EPHA5: variants seen among roughly 807,000 people sequenced by gnomAD.
EPHA5 encodes EPH receptor A5, also known as ephrin type-A receptor 5.
In EPHA5, 60 loss-of-function variants were observed where a neutral mutation model predicts 105.0. The ratio of observed to expected loss-of-function variants is 0.57; its 90% CI spans 0.46 to 0.71. The LOEUF (loss-of-function observed/expected upper bound fraction) is 0.71. Among genes scored for constraint, EPHA5 ranks in the 30% least tolerant of loss-of-function variants. The pLI, the probability that EPHA5 is intolerant of heterozygous loss-of-function variation, is 0.00. For synonymous variants in EPHA5, 513 were observed against 449.1 expected, an observed-to-expected ratio of 1.14 and a Z score of -1.80; for missense variants, 1,218 against 1,274.7, an observed-to-expected ratio of 0.96 and a Z score of 0.68.
At chr4:65,619,707 T>G (rs1466536629) in intron 2 of EPHA5, among the ~76,000 whole-genome samples, 2 of 152,022 alleles carry the variant, frequency 1.3e-5, no homozygotes, top group East Asian at 3.9e-4. Flanking sequence ...TGAGTCTCAT[T>G]AATTATTATA....
intron 8 of EPHA5, among the ~76,000 whole-genome samples, chr4:65,400,100 C>T (rs1355644947): frequency 1.3e-5 from 2 of 152,024 alleles, no homozygotes; most frequent in Non-Finnish European, 2.9e-5. Context: ...CTTTCTCAAA[C>T]ATTTAACTGG....
At position 65,632,056 on chromosome 4, in the gene EPHA5, T is replaced by C. The variant is rs186584977; in HGVS notation, c.246+11307A>G. ...TGCTAAACACTGCATCACTGACTCA[T>C]TGTAATCCTTATAACAACCTTGTAC... On this transcript the variant is annotated intron_variant, in intron 2 of 16. Transcript: ENST00000613740. Among the ~76,000 whole-genome samples the C allele has an allele frequency of 2.0e-5, 3 of 152,126 alleles. No individual in the cohort carries two copies. In the East Asian group the frequency reaches 5.8e-4, roughly 29 times the overall value.
At chr4:65,473,385 G>T (rs1189198931) in intron 5 of EPHA5, among the ~76,000 whole-genome samples, 1 of 152,146 alleles carries the variant, frequency 6.6e-6, no homozygotes, top group Non-Finnish European at 1.5e-5. Flanking sequence ...CTTCTATAAA[G>T]ATACTACCCA....
intron 5 of EPHA5, among the ~76,000 whole-genome samples, chr4:65,440,571 AAAGTT>A (rs899544682): frequency 1.4e-5 from 2 of 147,614 alleles, no homozygotes; most frequent in Non-Finnish European, 3.1e-5. Flanking sequence ...GAAATAATGT[AAAGTT>A]ATTTTCGATT....
At chr4:65,384,288 A>G (rs1329720022) in intron 8 of EPHA5, among the ~76,000 whole-genome samples, 3 of 151,932 alleles carry the variant, frequency 2.0e-5, no homozygotes, top group Non-Finnish European at 4.4e-5. Flanking sequence ...GTGTTCATTT[A>G]AGCAGAGATA....
intron 3 of EPHA5, among the ~76,000 whole-genome samples, chr4:65,533,402 C>T (rs1323724997): frequency 6.6e-6 from 1 of 151,848 alleles, no homozygotes; most frequent in Non-Finnish European, 1.5e-5. Flanking sequence ...TATTTAGAAA[C>T]TCAGGATTGG....
chr4:65,625,606 C>T (rs1746066733), intron 2 of EPHA5, among the ~76,000 whole-genome samples: 1 of 152,024 alleles, frequency 6.6e-6, no homozygotes, highest in Admixed American at 6.6e-5. Context: ...ACCTACTTGA[C>T]CTAATTTGCA....
intron 11 of EPHA5, among the ~76,000 whole-genome samples, chr4:65,360,759 A>G (rs1432069704): frequency 6.6e-6 from 1 of 151,650 alleles, no homozygotes; most frequent in Non-Finnish European, 1.5e-5. Context: ...AACATAAACT[A>G]TATCATTCTA....
chr4:65,433,185 C>T (rs1182427688), intron 5 of EPHA5, among the ~76,000 whole-genome samples: 1 of 152,132 alleles, frequency 6.6e-6, no homozygotes, highest in East Asian at 1.9e-4. Flanking sequence ...TTGTTTTTGA[C>T]ATAGTTCTGT....
At chr4:65,456,477 A>G (rs1261843557) in intron 5 of EPHA5, among the ~76,000 whole-genome samples, 1 of 152,226 alleles carries the variant, frequency 6.6e-6, no homozygotes, top group Non-Finnish European at 1.5e-5. Context: ...TTTTAGAATC[A>G]TTGATGAAAT....
chr4:65,459,923 A>C (rs905931407), intron 5 of EPHA5, among the ~76,000 whole-genome samples: 4 of 151,804 alleles, frequency 2.6e-5, no homozygotes, highest in African/African-American at 9.7e-5. Flanking sequence ...ATAACTGTTT[A>C]GTACATTAAA....
chr4:65,390,035 T>C (rs953808110), intron 8 of EPHA5, among the ~76,000 whole-genome samples: 3 of 152,024 alleles, frequency 2.0e-5, no homozygotes, highest in Non-Finnish European at 4.4e-5. Context: ...AACCTATCAA[T>C]CTATCTTGGT....
Position 65,418,862 on chromosome 4 carries a change from C to CTTT in EPHA5, c.1527+1576_1527+1578dup, listed in dbSNP as rs575608289. ...AACATTCAATACACTTACCTAAACT[C>CTTT]TTTTTTTTTTTTTTTTTTTTTTTTT... On this transcript the variant is annotated intron_variant, in intron 6 of 16. Coordinates refer to ENST00000613740, the MANE Select transcript of EPHA5 (RefSeq NM_001281766.3). Among the ~76,000 whole-genome samples the CTTT allele has an allele frequency of 3.6e-3, 170 of 47,062 alleles. 22 individuals are homozygous for CTTT. Among genetic ancestry groups the CTTT allele is most frequent in the African/African-American group, 9.8e-3 (89 of 9,086 alleles). The allele number at this position is 47,062 out of a possible 152,430, so 30.9% of individuals were successfully genotyped here.
chr4:65,487,557 G>A (rs950838561), intron 5 of EPHA5, among the ~76,000 whole-genome samples: 1 of 152,068 alleles, frequency 6.6e-6, no homozygotes, highest in African/African-American at 2.4e-5. Flanking sequence ...ATATTTTTCA[G>A]ACACTGCAGC....
chr4:65,387,697 A>G (rs1720245196), intron 8 of EPHA5, among the ~76,000 whole-genome samples: 2 of 152,028 alleles, frequency 1.3e-5, no homozygotes, highest in Admixed American at 6.6e-5. Flanking sequence ...TTAGATATCA[A>G]CAACACAACA....
chr4:65,430,915 C>T (rs769090958), intron 5 of EPHA5, among the ~76,000 whole-genome samples: 10 of 152,208 alleles, frequency 6.6e-5, no homozygotes, highest in South Asian at 2.1e-4. Flanking sequence ...GGAGAAACAA[C>T]TGTCTTTGAT....
In EPHA5 at chr4:65,324,223, C is replaced by T. The variant is rs1719866520; in HGVS notation, c.2946-4G>A. 1.7e-5 allele frequency: 27 copies of T among 1,600,858 alleles called. No homozygotes were observed. Among genetic ancestry groups the T allele is most frequent in the Non-Finnish European group, 2.1e-5 (25 of 1,170,296 alleles). ...CACTCCAAGCCGTCTCAAATCCCTG[C>T]ATGAAGAAAGCACACATTGGATGTA... On this transcript the variant is annotated splice_polypyrimidine_tract_variant and splice_region_variant and intron_variant, in intron 16 of 16. Coordinates refer to ENST00000613740, the MANE Select transcript of EPHA5 (RefSeq NM_001281766.3).
At chr4:65,392,409 AAATAT>A (rs1183902549) in intron 8 of EPHA5, among the ~76,000 whole-genome samples, 11 of 152,264 alleles carry the variant, frequency 7.2e-5, no homozygotes, top group Admixed American at 2.0e-4. Context: ...CATTATTTTA[AAATAT>A]AATATTTATG....
chr4:65,410,320 G>T (rs1578049096), intron 7 of EPHA5, among the ~76,000 whole-genome samples: 1 of 152,142 alleles, frequency 6.6e-6, no homozygotes, highest in Admixed American at 6.5e-5. Flanking sequence ...AAATTAAAAG[G>T]CACGTACTGC....
Sources: allele counts gnomAD v4.1 joint callset (sites outside exome capture counted in the v4.1 genomes callset), GRCh38; gene constraint gnomAD v4.1.1; transcripts MANE v1.5; gene names NCBI Gene and HGNC (gene_info 2026-07-23, HGNC 2026-07-21).